EYS: variants seen among roughly 807,000 people sequenced by gnomAD.
EYS encodes EGF-like photoreceptor maintenance factor.
EYS carries 250 observed loss-of-function variants against 282.1 expected under a neutral mutation model. The ratio of observed to expected loss-of-function variants is 0.89; its 90% CI spans 0.80 to 0.98. EYS has a LOEUF of 0.98. Ranked by LOEUF, EYS falls within the 50% of genes least tolerant of loss-of-function variation. EYS has a pLI of 0.00. For synonymous variants in EYS, 1,355 were observed against 1,282.9 expected (o/e 1.06, Z -1.20); for missense variants, 4,016 against 3,709.0 (o/e 1.08, Z -2.15).
At chr6:63,851,559 C>A (rs771941264) in intron 36 of EYS, among the ~76,000 whole-genome samples, 4 of 152,150 alleles carry the variant, frequency 2.6e-5, no homozygotes, top group Non-Finnish European at 4.4e-5. Flanking sequence ...GAACAACCTG[C>A]TCCTGAATGA....
intron 22 of EYS, among the ~76,000 whole-genome samples, chr6:64,770,682 A>C (rs1414455367): frequency 6.6e-6 from 1 of 151,940 alleles, no homozygotes; most frequent in Non-Finnish European, 1.5e-5. Flanking sequence ...TATCACAGTC[A>C]AAGTGCTCTT....
At chr6:64,508,461 C>T (rs1010363015) in intron 26 of EYS, among the ~76,000 whole-genome samples, 9 of 151,606 alleles carry the variant, frequency 5.9e-5, no homozygotes, top group Non-Finnish European at 1.0e-4. Context: ...TGTTTAAGAA[C>T]GAGCTCTAAT....
Position 64,960,365 on chromosome 6 carries a change from C to G in EYS, c.2260-14451G>C, listed in dbSNP as rs1034375592. Among the ~76,000 whole-genome samples, 5 of 152,126 alleles carry G rather than the reference C, an allele frequency of 3.3e-5. No homozygotes were observed. In the East Asian group the frequency reaches 9.7e-4, roughly 29 times the overall value. On this transcript the variant is annotated intron_variant, in intron 14 of 42. Coordinates refer to ENST00000503581, the MANE Select transcript of EYS (RefSeq NM_001142800.2). Reference sequence around the variant, plus strand: ...AAGCAACTGTCTTCAAATGTTAAGACAAAAATGATTTTGAAAGGATTTTTC... The same window carrying G: ...AAGCAACTGTCTTCAAATGTTAAGAGAAAAATGATTTTGAAAGGATTTTTC...
intron 8 of EYS, among the ~76,000 whole-genome samples, chr6:65,373,064 C>T (rs550156339): frequency 1.3e-5 from 2 of 152,070 alleles, no homozygotes; most frequent in Non-Finnish European, 2.9e-5. Flanking sequence ...TTTCTTATAG[C>T]TTATTTAATA....
chr6:64,134,828 G>GGC (rs1467947514), intron 31 of EYS, among the ~76,000 whole-genome samples: 2 of 152,006 alleles, frequency 1.3e-5, no homozygotes, highest in Non-Finnish European at 2.9e-5. Context: ...CATCAGGTAA[G>GGC]GCGTGAGGTT....
chr6:64,234,511 T>C (rs1270646101), intron 30 of EYS, among the ~76,000 whole-genome samples: 1 of 152,206 alleles, frequency 6.6e-6, no homozygotes, highest in African/African-American at 2.4e-5. Flanking sequence ...GTTTTTTTCT[T>C]GTTATCTGAA....
rs114315311 is a variant in EYS at position 63,983,116 on chromosome 6, C to T, written c.7055+1267G>A. Among the ~76,000 whole-genome samples, 221 of 151,852 alleles carry T rather than the reference C, an allele frequency of 1.5e-3. 1 individual carries two copies. Among genetic ancestry groups the T allele is most frequent in the African/African-American group, 5.1e-3 (211 of 41,500 alleles). ...AAAGTGATGATAGTCAAGGAGATAA[C>T]GTTCACTCTTAGCCCCCAGATTTAC... is the stretch of plus-strand genomic sequence containing the variant. On this transcript the variant is annotated intron_variant, in intron 35 of 42. Coordinates refer to ENST00000503581, the MANE Select transcript of EYS (RefSeq NM_001142800.2).
intron 14 of EYS, among the ~76,000 whole-genome samples, chr6:64,953,851 T>A (rs1769595353): frequency 6.6e-6 from 1 of 151,938 alleles, no homozygotes; most frequent in African/African-American, 2.4e-5. Flanking sequence ...GAAAATGTAA[T>A]ACAAATACAT....
intron 26 of EYS, among the ~76,000 whole-genome samples, chr6:64,534,766 T>C (rs1264758260): frequency 6.6e-6 from 1 of 152,110 alleles, no homozygotes; most frequent in Non-Finnish European, 1.5e-5. Context: ...CATTGCTTAA[T>C]TCAACACATT....
intron 11 of EYS, among the ~76,000 whole-genome samples, chr6:65,312,479 T>C (rs1345137310): frequency 6.6e-6 from 1 of 152,014 alleles, no homozygotes; most frequent in Non-Finnish European, 1.5e-5. Context: ...TTTTCTTAAA[T>C]ACAAAAAAAA....
chr6:64,343,660 G>T (rs1034781124), intron 29 of EYS, among the ~76,000 whole-genome samples: 1 of 152,030 alleles, frequency 6.6e-6, no homozygotes, highest in African/African-American at 2.4e-5. Context: ...GGAGAAGCAA[G>T]AGCAAACACA....
intron 1 of EYS, among the ~76,000 whole-genome samples, chr6:65,703,626 T>C: frequency 6.6e-6 from 1 of 151,614 alleles, no homozygotes; most frequent in East Asian, 1.9e-4. Flanking sequence ...ATTAAAATTA[T>C]CTATTATCTA....
chr6:65,426,103 T>C (rs1767650554), intron 5 of EYS, among the ~76,000 whole-genome samples: 1 of 152,090 alleles, frequency 6.6e-6, no homozygotes, highest in Non-Finnish European at 1.5e-5. Flanking sequence ...TCCTCAAAAG[T>C]ATCTAAGACT....
intron 19 of EYS, among the ~76,000 whole-genome samples, chr6:64,823,309 T>C (rs1018635156): frequency 3.3e-5 from 5 of 151,798 alleles, no homozygotes; most frequent in African/African-American, 1.2e-4. Flanking sequence ...AAAGGCCAAG[T>C]AGCGAATATT....
intron 22 of EYS, among the ~76,000 whole-genome samples, chr6:64,767,939 T>A (rs1773404574): frequency 6.6e-6 from 1 of 152,092 alleles, no homozygotes; most frequent in African/African-American, 2.4e-5. Context: ...ATCCTTGCCA[T>A]CATTTGGTAT....
chr6:64,228,371 A>C (rs993806188), intron 31 of EYS, among the ~76,000 whole-genome samples: 6 of 152,186 alleles, frequency 3.9e-5, no homozygotes, highest in African/African-American at 9.7e-5. Flanking sequence ...GCAACAACAA[A>C]AAAATTACGG....
chr6:64,103,768 G>A (rs573718283), intron 31 of EYS, among the ~76,000 whole-genome samples: 7 of 152,230 alleles, frequency 4.6e-5, no homozygotes, highest in Admixed American at 6.5e-5. Flanking sequence ...ATTAGGAAGA[G>A]CAAGAAGTGT....
chr6:64,290,018 C>A (rs1768643754), intron 30 of EYS, among the ~76,000 whole-genome samples: 1 of 151,966 alleles, frequency 6.6e-6, no homozygotes, highest in South Asian at 2.1e-4. Flanking sequence ...ATCTACTGTA[C>A]CAAGCAGTGT....
chr6:64,352,865 T>G (rs1453577587), intron 29 of EYS, among the ~76,000 whole-genome samples: 1 of 151,596 alleles, frequency 6.6e-6, no homozygotes, highest in African/African-American at 2.4e-5. Flanking sequence ...CTTGCTCAAC[T>G]CCTTCCAAAA....
Sources: allele counts gnomAD v4.1 joint callset (sites outside exome capture counted in the v4.1 genomes callset), GRCh38; gene constraint gnomAD v4.1.1; transcripts MANE v1.5; gene names NCBI Gene and HGNC (gene_info 2026-07-23, HGNC 2026-07-21).